Variants in CUX1 observed in about 807,000 individuals in gnomAD.
CUX1 encodes the protein cut like homeobox 1, also known as protein CASP.
A neutral mutation model predicts 158.8 loss-of-function variants in CUX1; 31 were observed. The ratio of observed to expected loss-of-function variants is 0.20; its 90% CI spans 0.15 to 0.26. The LOEUF is 0.26. Ranked by LOEUF, CUX1 falls within the 10% of genes least tolerant of loss-of-function variation. The pLI is 1.00. For missense variants in CUX1, 1,589 were observed against 2,014.6 expected (o/e 0.79, Z 4.04); for synonymous variants, 879 against 862.1 (o/e 1.02, Z -0.34).
At chr7:102,217,517 C>T (rs1216448011) in intron 20 of CUX1, among the ~76,000 whole-genome samples, 4 of 152,210 alleles carry the variant, frequency 2.6e-5, no homozygotes, top group Non-Finnish European at 4.4e-5. Flanking sequence ...CTTCCCATGT[C>T]GGGGAGATGA....
In CUX1 at chr7:102,083,634, A is replaced by C. The variant is rs764186307; in HGVS notation, c.268+13217A>C. Among the ~76,000 whole-genome samples, 40 of 146,966 alleles carry C rather than the reference A, an allele frequency of 2.7e-4. 5 individuals are homozygous for C. Among genetic ancestry groups the C allele is most frequent in the Non-Finnish European group, 5.5e-4 (36 of 65,054 alleles). On this transcript the variant is annotated intron_variant, in intron 4 of 23. Coordinates refer to ENST00000292535, the MANE Select transcript of CUX1 (RefSeq NM_181552.4). Reference sequence around the variant, plus strand: ...GTATACGTTTTAGATTCAGCTTGTCAGTTTTTACAAAGGAGTTTTCTGTGA... The same window carrying C: ...GTATACGTTTTAGATTCAGCTTGTCCGTTTTTACAAAGGAGTTTTCTGTGA...
At chr7:102,143,070 G>T (rs1487038818) in intron 8 of CUX1, among the ~76,000 whole-genome samples, 1 of 152,196 alleles carries the variant, frequency 6.6e-6, no homozygotes, top group Admixed American at 6.5e-5. Flanking sequence ...CTGCGTCTTT[G>T]TAACTGTCCC....
intron 10 of CUX1, 96 bp downstream of exon 10, chr7:102,170,646 T>C: frequency 2.4e-6 from 2 of 840,402 alleles, no homozygotes; most frequent in Non-Finnish European, 1.9e-6. Context: ...GCATCTCTTT[T>C]TGGGAATCAC....
In CUX1 at chr7:102,202,212, A is replaced by G; in HGVS notation, c.2907+8A>G. 1 of 1,593,278 alleles carries G rather than the reference A, an allele frequency of 6.3e-7. No homozygotes were observed. ...AGAATCTTCGGGGAGAAGGTAAGGGATCTGCTCTGGGGGCTTTGGTTCTCC... is the reference window on the plus strand; with the variant it reads ...AGAATCTTCGGGGAGAAGGTAAGGGGTCTGCTCTGGGGGCTTTGGTTCTCC... On this transcript the variant is annotated splice_region_variant and intron_variant, in intron 18 of 23. Transcript: ENST00000292535.
At position 102,216,546 on chromosome 7, in the gene CUX1, A is replaced by ACCC. The variant is rs71123012; in HGVS notation, c.3131-10820_3131-10818dup. Among the ~76,000 whole-genome samples the ACCC allele has an allele frequency of 3.6e-4, 35 of 98,216 alleles. 3 individuals carry two copies. Among genetic ancestry groups the ACCC allele is most frequent in the Non-Finnish European group, 4.2e-4 (22 of 52,952 alleles). The allele number at this position is 98,216 out of a possible 152,430, so 64.4% of individuals were successfully genotyped here. ...CACACTCTCCCCCCCACACACACAC[A>ACCC]CCCACACACGCACACACACTCCCAC... On this transcript the variant is annotated intron_variant, in intron 20 of 23. Transcript: ENST00000292535.
Position 102,202,185 on chromosome 7 carries a change from A to G in CUX1, c.2888A>G (p.Gln963Arg). ...KEKLAKNGIC[Q>R]RIFGEKVLGL... ...AAGCTGGCCAAGAACGGCATCTGCC[A>G]GAGAATCTTCGGGGAGAAGGTAAGG... Residue 963 changes from glutamine to arginine, a missense_variant, in exon 18 of 24, where the codon CAG becomes CGG. By Grantham distance (43) the Gln-to-Arg change is conservative (BLOSUM62 1). Transcript: ENST00000292535. 1 of 1,607,850 alleles carries G rather than the reference A, an allele frequency of 6.2e-7. No homozygotes were observed. The highest frequency in any genetic ancestry group is 8.5e-7 in the Non-Finnish European group (1 of 1,175,488).
At chr7:101,966,158 C>T (rs779134797) in intron 2 of CUX1, among the ~76,000 whole-genome samples, 70 of 151,968 alleles carry the variant, frequency 4.6e-4, no homozygotes, top group Non-Finnish European at 5.9e-4. Context: ...TCAACCTCCC[C>T]GGGCTCAGCT....
intron 1 of CUX1, among the ~76,000 whole-genome samples, chr7:101,893,306 C>A (rs1801102170): frequency 6.6e-6 from 1 of 151,646 alleles, no homozygotes; most frequent in Non-Finnish European, 1.5e-5. Context: ...CTGCGCCTGG[C>A]AAGTTTGTTT....
At chr7:101,996,642 TCTCCCTCCCTCC>T (rs368042482) in intron 2 of CUX1, among the ~76,000 whole-genome samples, 12 of 144,834 alleles carry the variant, frequency 8.3e-5, no homozygotes, top group Non-Finnish European at 1.5e-4. Context: ...CCCTCATTTC[TCTCCCTCCCTCC>T]CTCCCTCCCT....
chr7:102,199,015 G>A (rs781040959), intron 16 of CUX1, 148 bp downstream of exon 16: 8 of 713,718 alleles, frequency 1.1e-5, no homozygotes, highest in Non-Finnish European at 2.0e-5. Context: ...CAAGGCACGG[G>A]TTCAAGCACA....
At chr7:101,969,982 C>CA (rs34167642) in intron 2 of CUX1, among the ~76,000 whole-genome samples, 30,773 of 55,630 alleles carry the variant, frequency 0.55, 9,478 homozygotes, top group East Asian at 0.61. Context: ...GAGTTAGCAC[C>CA]AAAAAAAAAA....
chr7:102,249,296 GCCCAGACCCA>G lies in CUX1; in HGVS notation c.*255_*264del. ...CCCTGCGGCCTCCACCAACCCCGCG[GCCCAGACCCA>G]GCCCGCGGCCTGGACCCCTGGACCG... On this transcript the variant is annotated 3_prime_UTR_variant, in exon 24 of 24. Transcript: ENST00000292535. 9 of 1,040,088 alleles carry G rather than the reference GCCCAGACCCA, an allele frequency of 8.7e-6. No homozygotes were observed. The highest frequency in any genetic ancestry group is 1.0e-5 in the Non-Finnish European group (9 of 864,752). The allele number at this position is 1,040,088 out of a possible 1,614,324, so 64.4% of individuals were successfully genotyped here. A position where few individuals can be genotyped will look rare whatever the true frequency, so the allele number is the denominator to read the frequency against.
intron 20 of CUX1, among the ~76,000 whole-genome samples, chr7:102,222,956 C>G (rs1352708605): frequency 6.7e-6 from 1 of 150,358 alleles, no homozygotes; most frequent in Non-Finnish European, 1.5e-5. Flanking sequence ...AGTAGCTGGG[C>G]ACGCGCCTGG....
At chr7:101,997,582 G>A (rs1362767157) in intron 2 of CUX1, among the ~76,000 whole-genome samples, 2 of 152,060 alleles carry the variant, frequency 1.3e-5, no homozygotes, top group Non-Finnish European at 2.9e-5. Context: ...GAACTCAAAT[G>A]ATCCTCCCGC....
chr7:101,906,143 C>A (rs1432884354), intron 1 of CUX1, among the ~76,000 whole-genome samples: 1 of 151,982 alleles, frequency 6.6e-6, no homozygotes, highest in Non-Finnish European at 1.5e-5. Flanking sequence ...AATTTACTAG[C>A]GCTGACTACA....
chr7:102,205,006 C>A, intron 19 of CUX1, 108 bp from the exon 20 acceptor site: 1 of 783,134 alleles, frequency 1.3e-6, no homozygotes. Context: ...ATGCCCGCCC[C>A]TCCCCAGGAG....
chr7:101,898,021 C>T (rs945805644), intron 1 of CUX1, among the ~76,000 whole-genome samples: 44 of 152,192 alleles, frequency 2.9e-4, no homozygotes, highest in Admixed American at 2.0e-4. Context: ...CCCCGGTGGG[C>T]CTTTTTGGCA....
chr7:102,182,079 C>T (rs1372015584), intron 11 of CUX1, among the ~76,000 whole-genome samples: 2 of 152,262 alleles, frequency 1.3e-5, no homozygotes, highest in South Asian at 4.1e-4. Context: ...GGGGGACCCT[C>T]GGACACACGA....
intron 8 of CUX1, among the ~76,000 whole-genome samples, chr7:102,143,164 T>TA (rs1216515781): frequency 6.6e-6 from 1 of 152,224 alleles, no homozygotes; most frequent in Non-Finnish European, 1.5e-5. Flanking sequence ...CTCCATCACC[T>TA]AAGTGTAGGC....
Sources: gnomAD v4.1 joint callset for allele counts (sites outside exome capture counted in the v4.1 genomes callset) on GRCh38, gnomAD v4.1.1 for gene constraint, MANE v1.5 for transcripts, NCBI Gene and HGNC (gene_info 2026-07-23, HGNC 2026-07-21) for gene names.